Variants in DLG2 observed in about 807,000 individuals in gnomAD.
DLG2 encodes discs large MAGUK scaffold protein 2, also known as disks large homolog 2.
A neutral mutation model predicts 132.5 loss-of-function variants in DLG2; 45 were observed. The ratio of observed to expected loss-of-function variants is 0.34; its 90% CI spans 0.27 to 0.44. The LOEUF (loss-of-function observed/expected upper bound fraction) is 0.44. Ranked by LOEUF, DLG2 falls within the 20% of genes least tolerant of loss-of-function variation. The probability of loss-of-function intolerance (pLI) is 1.00; values close to 1 mark genes in which losing one functional copy is unlikely to be tolerated. For missense variants in DLG2, 1,045 were observed against 1,196.9 expected (o/e 0.87, Z 1.87); for synonymous variants, 424 against 419.6 (o/e 1.01, Z -0.13).
At chr11:84,890,249 G>A (rs2089126962) in intron 6 of DLG2, among the ~76,000 whole-genome samples, 1 of 152,146 alleles carries the variant, frequency 6.6e-6, no homozygotes, top group Non-Finnish European at 1.5e-5. Flanking sequence ...CTAAGAGACT[G>A]TGGACACTTA....
At chr11:83,479,841 A>AAGTT (rs1318183796) in intron 22 of DLG2, among the ~76,000 whole-genome samples, 3 of 152,122 alleles carry the variant, frequency 2.0e-5, no homozygotes, top group Non-Finnish European at 2.9e-5. Context: ...CAAAAAAGTA[A>AAGTT]AGTTAGAAAT....
intron 6 of DLG2, among the ~76,000 whole-genome samples, chr11:84,752,523 A>G (rs1215546714): frequency 6.6e-6 from 1 of 151,334 alleles, no homozygotes; most frequent in African/African-American, 2.4e-5. Flanking sequence ...TAAATCCAAA[A>G]TCTAACTAGA....
At chr11:83,680,045 C>A (rs1202750917) in intron 18 of DLG2, among the ~76,000 whole-genome samples, 1 of 152,102 alleles carries the variant, frequency 6.6e-6, no homozygotes, top group Non-Finnish European at 1.5e-5. Flanking sequence ...TGTATGTGTC[C>A]TGTAAGAGGG....
chr11:84,170,849 T>C (rs1780499236), intron 8 of DLG2, among the ~76,000 whole-genome samples: 1 of 152,164 alleles, frequency 6.6e-6, no homozygotes, highest in African/African-American at 2.4e-5. Context: ...AGGGCTTTTC[T>C]TCCCATCTAG....
At chr11:85,015,808 G>A (rs911132378) in intron 6 of DLG2, among the ~76,000 whole-genome samples, 29 of 151,930 alleles carry the variant, frequency 1.9e-4, no homozygotes, top group African/African-American at 6.0e-4. Flanking sequence ...ATGGAACTTC[G>A]TGCCATGATT....
At chr11:85,560,361 T>A (rs961696255) in intron 3 of DLG2, among the ~76,000 whole-genome samples, 3 of 151,858 alleles carry the variant, frequency 2.0e-5, no homozygotes, top group African/African-American at 2.4e-5. Flanking sequence ...GGAACTTTTT[T>A]AAATGTGATA....
intron 8 of DLG2, among the ~76,000 whole-genome samples, chr11:84,182,524 G>A (rs773178954): frequency 5.3e-5 from 8 of 151,114 alleles, no homozygotes; most frequent in Non-Finnish European, 1.0e-4. Flanking sequence ...GTGAGACCCT[G>A]TCTCAAAAAA....
At chr11:83,944,463 C>T (rs1470937470) in intron 14 of DLG2, among the ~76,000 whole-genome samples, 4 of 152,132 alleles carry the variant, frequency 2.6e-5, no homozygotes, top group Admixed American at 6.6e-5. Flanking sequence ...GCATTAATTG[C>T]CTATTGTGAG....
intron 18 of DLG2, among the ~76,000 whole-genome samples, chr11:83,707,457 G>A (rs545161798): frequency 1.3e-5 from 2 of 152,190 alleles, no homozygotes; most frequent in Non-Finnish European, 2.9e-5. Context: ...ATCACCTGAG[G>A]TCAGGAGTTC....
chr11:84,065,967 A>G (rs1594504028), intron 10 of DLG2, among the ~76,000 whole-genome samples: 1 of 152,334 alleles, frequency 6.6e-6, no homozygotes, highest in Middle Eastern at 3.4e-3. Flanking sequence ...ACACAGGAAC[A>G]GAAAACCAAA....
intron 6 of DLG2, among the ~76,000 whole-genome samples, chr11:84,728,119 A>T (rs1310381320): frequency 6.6e-6 from 1 of 152,138 alleles, no homozygotes; most frequent in Non-Finnish European, 1.5e-5. Flanking sequence ...AGAACTTCCA[A>T]CACTATGTTG....
chr11:83,671,768 G>C (rs954265681), intron 18 of DLG2, among the ~76,000 whole-genome samples: 6 of 151,870 alleles, frequency 4.0e-5, no homozygotes, highest in Non-Finnish European at 8.8e-5. Context: ...AAAAGATAAG[G>C]GTGCTTGTTT....
intron 7 of DLG2, among the ~76,000 whole-genome samples, chr11:84,502,186 T>TTCTCTCTCTCTCTCTCTC (rs1555630792): frequency 7.8e-5 from 1 of 12,872 alleles, no homozygotes; most frequent in East Asian, 1.2e-3. Flanking sequence ...TTCTCTCTCT[T>TTCTCTCTCTCTCTCTCTC]TCTCTCTCTC....
chr11:85,446,172 A>G (rs1487610576), intron 3 of DLG2, among the ~76,000 whole-genome samples: 1 of 152,238 alleles, frequency 6.6e-6, no homozygotes, highest in African/African-American at 2.4e-5. Flanking sequence ...AGACACATTA[A>G]GGACAAAGTA....
At chr11:83,908,893 C>G (rs142100422) in intron 15 of DLG2, among the ~76,000 whole-genome samples, 112 of 152,252 alleles carry the variant, frequency 7.4e-4, no homozygotes, top group African/African-American at 2.6e-3. Flanking sequence ...GCCAGCATGC[C>G]TGCCTATTTA....
chr11:85,068,591 C>T (rs1004261408), intron 6 of DLG2, among the ~76,000 whole-genome samples: 18 of 152,130 alleles, frequency 1.2e-4, no homozygotes, highest in South Asian at 4.1e-4. Context: ...ATCCAACTTA[C>T]AAGGGACGTG....
chr11:85,621,659 A>C (rs574668253), intron 2 of DLG2, among the ~76,000 whole-genome samples: 28 of 152,344 alleles, frequency 1.8e-4, no homozygotes, highest in African/African-American at 5.3e-4. Context: ...GAGATCTAGA[A>C]CTAGAAGTGA....
chr11:85,183,487 G>A (rs1375258376), intron 4 of DLG2, among the ~76,000 whole-genome samples: 1 of 151,782 alleles, frequency 6.6e-6, no homozygotes, highest in Non-Finnish European at 1.5e-5. Context: ...AAGTGACCAA[G>A]GTCCCAAAAC....
rs1267427449 is a variant in DLG2 at position 83,872,485 on chromosome 11, A to T, written c.1565+1935T>A. On this transcript the variant is annotated intron_variant, in intron 16 of 27. Coordinates refer to ENST00000376104, the MANE Select transcript of DLG2 (RefSeq NM_001142699.3). The stretch of plus-strand genomic sequence containing the variant: ...TGCTTTATGCTAGTTGGGACAATAG[A>T]TCACTATGAAGTTTATACAGTTTGC... 2.0e-5 allele frequency among the ~76,000 whole-genome samples: 3 copies of T among 152,210 alleles called. No individual in the cohort carries two copies. The South Asian group carries it at 6.2e-4, about 31-fold the overall frequency.
Sources: gnomAD v4.1 joint callset for allele counts (sites outside exome capture counted in the v4.1 genomes callset) on GRCh38, gnomAD v4.1.1 for gene constraint, MANE v1.5 for transcripts, NCBI Gene and HGNC (gene_info 2026-07-23, HGNC 2026-07-21) for gene names.